The following RGS3 variants were observed in gnomAD, a reference collection of about 807,000 sequenced individuals.
RGS3 encodes regulator of G-protein signalling 3.
Under a neutral mutation model 132.6 loss-of-function variants are expected in RGS3, and 80 were observed. The ratio of observed to expected loss-of-function variants is 0.60; its 90% CI spans 0.50 to 0.73. The LOEUF (loss-of-function observed/expected upper bound fraction) is 0.73, where lower values mean the gene tolerates loss of function less well. Among genes scored for constraint, RGS3 ranks in the 30% least tolerant of loss-of-function variants. The probability of loss-of-function intolerance (pLI) is 0.00; values close to 1 mark genes in which losing one functional copy is unlikely to be tolerated. For missense variants in RGS3, 1,382 were observed against 1,530.8 expected (o/e 0.90, Z 1.62); for synonymous variants, 598 against 620.6 (o/e 0.96, Z 0.54).
chr9:113,448,905 A>T (rs1252348794), intron 1 of RGS3, among the ~76,000 whole-genome samples: 1 of 152,148 alleles, frequency 6.6e-6, no homozygotes, highest in East Asian at 1.9e-4. Flanking sequence ...TGGCAAGTGA[A>T]GATGTTTGTG....
intron 19 of RGS3, among the ~76,000 whole-genome samples, chr9:113,566,221 G>A (rs1179604693): frequency 2.0e-5 from 3 of 152,134 alleles, no homozygotes; most frequent in Admixed American, 6.5e-5. Flanking sequence ...TTTGGTCCCT[G>A]AGACGGCCTC....
chr9:113,453,206 CATT>C (rs1409933674), intron 1 of RGS3, among the ~76,000 whole-genome samples: 106 of 112,890 alleles, frequency 9.4e-4, no homozygotes, highest in African/African-American at 3.1e-3. Context: ...ATAATATACT[CATT>C]ATATGATTAC....
chr9:113,566,396 C>G (rs1026484086), intron 19 of RGS3, among the ~76,000 whole-genome samples: 1 of 152,158 alleles, frequency 6.6e-6, no homozygotes, highest in Non-Finnish European at 1.5e-5. Flanking sequence ...TGTGAGCAGA[C>G]AGAGGCTAAT....
chr9:113,457,081 T>A (rs766798902), upstream of RGS3, among the ~76,000 whole-genome samples: 39 of 152,082 alleles, frequency 2.6e-4, no homozygotes, highest in Non-Finnish European at 4.4e-4. Flanking sequence ...CAGGCGTGAG[T>A]CACCGCGCCT....
chr9:113,565,057 A>C lies in RGS3; in HGVS notation c.2038-18393A>C, dbSNP rs1487052608. On this transcript the variant is annotated intron_variant, in intron 19 of 24. Coordinates refer to ENST00000350696, the Ensembl canonical transcript of RGS3. The surrounding 1 kb of genome is among the most constrained non-coding windows in gnomAD (Gnocchi z 5.7). Reference sequence around the variant, plus strand: ...TGGGGTGGAGCCTGCTAGGGATCCCAGTGCCAGGGGGTGCCGTTGTGAGGG... The same window carrying C: ...TGGGGTGGAGCCTGCTAGGGATCCCCGTGCCAGGGGGTGCCGTTGTGAGGG... 5 of 1,130,084 alleles carry C rather than the reference A, an allele frequency of 4.4e-6. No individual in the cohort carries two copies. The East Asian group carries it at 3.6e-4, about 82-fold the overall frequency. The allele number at this position is 1,130,084 out of a possible 1,614,324, so 70.0% of individuals were successfully genotyped here.
At chr9:113,568,275 G>C (rs1834099297) in intron 19 of RGS3, among the ~76,000 whole-genome samples, 1 of 152,204 alleles carries the variant, frequency 6.6e-6, no homozygotes, top group Non-Finnish European at 1.5e-5. Flanking sequence ...CCAGTGACAT[G>C]TCCCTTTTGG....
chr9:113,553,459 A>AAAAAAAAAAAATAT (rs1426114805), intron 19 of RGS3, among the ~76,000 whole-genome samples: 35 of 58,694 alleles, frequency 6.0e-4, no homozygotes, highest in Admixed American at 1.4e-3. Flanking sequence ...AAAAAAAAAA[A>AAAAAAAAAAAATAT]ATATATATAT....
chr9:113,468,729 C>G (rs933878300), intron 3 of RGS3, among the ~76,000 whole-genome samples: 9 of 152,138 alleles, frequency 5.9e-5, no homozygotes, highest in African/African-American at 2.2e-4. Flanking sequence ...CTTGGGATCT[C>G]TAGTCACCTG....
rs189160043 is a variant in RGS3 at position 113,494,952 on chromosome 9, T to C, written c.690-834T>C. On this transcript the variant is annotated intron_variant, in intron 7 of 24. Coordinates refer to ENST00000350696, the Ensembl canonical transcript of RGS3. ...GTGCAGTGGTGCGATCTTGGCTCAC[T>C]GCAACTCCACCTCCTGGTTTCAAGT... 3.9e-5 allele frequency among the ~76,000 whole-genome samples: 6 copies of C among 152,198 alleles called. No individual in the cohort carries two copies. In the East Asian group the frequency reaches 1.2e-3, roughly 29 times the overall value.
chr9:113,594,170 C>T, intron 21 of RGS3: 1 of 1,613,086 alleles, frequency 6.2e-7, no homozygotes, highest in South Asian at 1.1e-5. Context: ...GTGGCTGCAG[C>T]CTGCACCGTT....
chr9:113,460,158 G>A (rs963762218), upstream of RGS3: 2 of 1,099,548 alleles, frequency 1.8e-6, no homozygotes, highest in South Asian at 1.7e-5. Context: ...TCAGAGACAA[G>A]GCTTTGGTCT....
At chr9:113,534,542 G>T (rs1832602216) in intron 18 of RGS3, among the ~76,000 whole-genome samples, 1 of 151,514 alleles carries the variant, frequency 6.6e-6, no homozygotes, top group African/African-American at 2.4e-5. Context: ...TGTATAAATA[G>T]TTGTTAAACT....
At chr9:113,456,981 G>T (rs1271248991), upstream of RGS3, among the ~76,000 whole-genome samples, 1 of 152,136 alleles carries the variant, frequency 6.6e-6, no homozygotes, top group Non-Finnish European at 1.5e-5. Context: ...TATTTTAGTA[G>T]AGATGGGTTT....
chr9:113,484,200 C>T (rs1214111800), exon 6 of RGS3: 1 of 1,612,408 alleles, frequency 6.2e-7, no homozygotes, highest in Non-Finnish European at 8.5e-7. Context: ...TTCCAGACTG[C>T]AGAGACCCGG....
chr9:113,450,440 A>G (rs957382378), intron 1 of RGS3, among the ~76,000 whole-genome samples: 3 of 152,222 alleles, frequency 2.0e-5, no homozygotes, highest in African/African-American at 4.8e-5. Context: ...AAAACACGTC[A>G]GTCACTGCAT....
chr9:113,519,510 C>CAAA (rs35813905), intron 16 of RGS3, among the ~76,000 whole-genome samples: 3 of 99,614 alleles, frequency 3.0e-5, no homozygotes, highest in African/African-American at 3.3e-5. Context: ...TTACTCACAC[C>CAAA]AAAAAAAAAA....
At chr9:113,503,092 G>C (rs770039410) in intron 10 of RGS3, among the ~76,000 whole-genome samples, 3 of 152,186 alleles carry the variant, frequency 2.0e-5, no homozygotes, top group Non-Finnish European at 4.4e-5. Flanking sequence ...TAAGGGGCTG[G>C]CATGGGTGAG....
At chr9:113,581,368 G>A (rs72763842) in intron 19 of RGS3, 18,062 of 152,254 alleles carry the variant, frequency 0.12, 1,290 homozygotes, top group African/African-American at 0.19. Context: ...CTGAAGCACA[G>A]CCCTTAGTTT....
intron 19 of RGS3, among the ~76,000 whole-genome samples, chr9:113,544,349 C>T (rs1042875436): frequency 2.0e-5 from 3 of 147,048 alleles, no homozygotes; most frequent in Non-Finnish European, 4.5e-5. Flanking sequence ...TCTTTTAAAA[C>T]TCTTCATCTA....
Sources: gnomAD v4.1 joint callset for allele counts (sites outside exome capture counted in the v4.1 genomes callset) on GRCh38, gnomAD v4.1.1 for gene constraint, Gnocchi (gnomAD v3.1) non-coding constraint, MANE v1.5 for transcripts, NCBI Gene and HGNC (gene_info 2026-07-23, HGNC 2026-07-21) for gene names.